Variants in CTTNBP2NL observed in about 807,000 individuals in gnomAD.
CTTNBP2NL encodes CTTNBP2 N-terminal-like protein.
In CTTNBP2NL, 16 loss-of-function variants were observed where a neutral mutation model predicts 32.5. The ratio of observed to expected loss-of-function variants is 0.49; its 90% CI spans 0.33 to 0.75. The LOEUF is 0.75. Ranked by LOEUF, CTTNBP2NL falls within the 30% of genes least tolerant of loss-of-function variation. CTTNBP2NL has a pLI of 0.02. For missense variants in CTTNBP2NL, 645 were observed against 756.0 expected (o/e 0.85, Z 1.72); for synonymous variants, 298 against 289.4 (o/e 1.03, Z -0.30).
intron 3 of CTTNBP2NL, among the ~76,000 whole-genome samples, chr1:112,426,724 A>G (rs1649415219): frequency 6.7e-6 from 1 of 149,740 alleles, no homozygotes; most frequent in African/African-American, 2.5e-5. Flanking sequence ...CTCCTGCCTC[A>G]GCCTCCTGAG....
chr1:112,460,243 G>A lies in CTTNBP2NL; in HGVS notation c.*2831G>A, dbSNP rs1197267488. The A allele has an allele frequency of 6.6e-6, 1 of 152,184 alleles. No individual in the cohort carries two copies. The highest frequency in any genetic ancestry group is 1.5e-5 in the Non-Finnish European group (1 of 68,042). The allele number at this position is 152,184 out of a possible 1,614,324, so 9.4% of individuals were successfully genotyped here. A position where few individuals can be genotyped will look rare whatever the true frequency, so the allele number is the denominator to read the frequency against. ...CAAGTTAAATCTTGCTGTTTGGGGGGAAATAGTCTTGTTTGTACAAAGTGA... is the reference window on the plus strand; with the variant it reads ...CAAGTTAAATCTTGCTGTTTGGGGGAAAATAGTCTTGTTTGTACAAAGTGA... On this transcript the variant is annotated 3_prime_UTR_variant, in exon 6 of 6. Coordinates refer to ENST00000271277, the MANE Select transcript of CTTNBP2NL (RefSeq NM_018704.3).
intron 3 of CTTNBP2NL, among the ~76,000 whole-genome samples, chr1:112,447,569 CT>C (rs1650087552): frequency 6.6e-6 from 1 of 151,946 alleles, no homozygotes; most frequent in Admixed American, 6.6e-5. Flanking sequence ...TACCATAAGG[CT>C]AAGTGATTCC....
intron 1 of CTTNBP2NL, among the ~76,000 whole-genome samples, chr1:112,402,218 A>C (rs1053096553): frequency 1.3e-5 from 2 of 152,174 alleles, no homozygotes; most frequent in Non-Finnish European, 2.9e-5. Context: ...TGGGAGTTCA[A>C]GACCAGCCTG....
chr1:112,406,938 G>T (rs573839976), intron 1 of CTTNBP2NL, among the ~76,000 whole-genome samples: 4 of 152,110 alleles, frequency 2.6e-5, no homozygotes, highest in Non-Finnish European at 4.4e-5. Context: ...GTCTATGTTG[G>T]CAGTATTGAA....
At chr1:112,436,942 G>T (rs535369344) in intron 3 of CTTNBP2NL, among the ~76,000 whole-genome samples, 5 of 152,118 alleles carry the variant, frequency 3.3e-5, no homozygotes, top group African/African-American at 1.2e-4. Context: ...ATGGCTTCTA[G>T]CTCCAACCAT....
At chr1:112,442,121 T>C (rs907909741) in intron 3 of CTTNBP2NL, among the ~76,000 whole-genome samples, 2 of 152,030 alleles carry the variant, frequency 1.3e-5, no homozygotes, top group Non-Finnish European at 2.9e-5. Flanking sequence ...TAATGTTTTT[T>C]GTTTTTTGTT....
At chr1:112,449,547 G>A (rs768811760) in intron 4 of CTTNBP2NL, among the ~76,000 whole-genome samples, 2 of 151,772 alleles carry the variant, frequency 1.3e-5, no homozygotes, top group Non-Finnish European at 2.9e-5. Context: ...AGGTATTTGA[G>A]GCATGCTATA....
In CTTNBP2NL at chr1:112,410,993, A is replaced by G. The variant is rs141758411; in HGVS notation, c.-133-1201A>G. Among the ~76,000 whole-genome samples the G allele has an allele frequency of 2.8e-4, 42 of 152,320 alleles. No homozygotes were observed. In the East Asian group the frequency reaches 7.5e-3, roughly 27 times the overall value. On this transcript the variant is annotated intron_variant, in intron 1 of 5. Transcript: ENST00000271277. ...AATCTGTCAGTTTTTCTGATAATGA[A>G]TATGGGGCTAGAAATACCCTTTTTC...
chr1:112,457,849 AATAG>A lies in CTTNBP2NL; in HGVS notation c.*440_*443del, dbSNP rs1339609318. 1 of 155,794 alleles carries A rather than the reference AATAG, an allele frequency of 6.4e-6. No homozygotes were observed. The highest frequency in any genetic ancestry group is 1.4e-5 in the Non-Finnish European group (1 of 70,278). 9.7% of individuals were successfully genotyped at this position (155,794 alleles called of 1,614,324 possible). On this transcript the variant is annotated 3_prime_UTR_variant, in exon 6 of 6. Coordinates refer to ENST00000271277, the MANE Select transcript of CTTNBP2NL (RefSeq NM_018704.3). ...TGTGATTCTGCAGCAAAAAACACAAAATAGATCATTTAATTACAGAAAATGAGAT... is the reference window on the plus strand; with the variant it reads ...TGTGATTCTGCAGCAAAAAACACAAAATCATTTAATTACAGAAAATGAGAT...
intron 5 of CTTNBP2NL, among the ~76,000 whole-genome samples, chr1:112,455,434 C>T (rs1267405276): frequency 6.6e-6 from 1 of 152,076 alleles, no homozygotes; most frequent in Non-Finnish European, 1.5e-5. Flanking sequence ...ACCCAGAAGG[C>T]GGAGGTTGCA....
intron 2 of CTTNBP2NL, among the ~76,000 whole-genome samples, chr1:112,414,226 G>A (rs1175826314): frequency 6.6e-6 from 1 of 151,900 alleles, no homozygotes; most frequent in Non-Finnish European, 1.5e-5. Context: ...TTAGCCAGGC[G>A]TGATGGTGGT....
Position 112,456,821 on chromosome 1 carries a change from C to T in CTTNBP2NL, c.1329C>T (p.Ser443=), listed in dbSNP as rs147846615. The part of the protein sequence containing the change: ...LTKRLLGSSA[S]SPGYQSSYQV... ...AGCGTTTATTGGGGTCATCAGCTAGCAGCCCTGGCTACCAGTCATCGTACC... is the reference window on the plus strand; with the variant it reads ...AGCGTTTATTGGGGTCATCAGCTAGTAGCCCTGGCTACCAGTCATCGTACC... The change falls in exon 6 of 6, where the codon AGC becomes AGT. Residue 443 remains serine, a synonymous_variant. Coordinates refer to ENST00000271277, the MANE Select transcript of CTTNBP2NL (RefSeq NM_018704.3). 3 of 1,614,020 alleles carry T rather than the reference C, an allele frequency of 1.9e-6. No homozygotes were observed. Among genetic ancestry groups the T allele is most frequent in the Non-Finnish European group, 2.5e-6 (3 of 1,180,046 alleles).
chr1:112,427,364 G>A (rs185017171), intron 3 of CTTNBP2NL, among the ~76,000 whole-genome samples: 1 of 152,268 alleles, frequency 6.6e-6, no homozygotes, highest in African/African-American at 2.4e-5. Context: ...GTCAGTTGTT[G>A]AAGAATAAGT....
chr1:112,445,056 C>T (rs1437383984), intron 3 of CTTNBP2NL, among the ~76,000 whole-genome samples: 1 of 152,200 alleles, frequency 6.6e-6, no homozygotes, highest in Admixed American at 6.5e-5. Flanking sequence ...GGGTCACTTG[C>T]TGTGTGGGAA....
intron 1 of CTTNBP2NL, among the ~76,000 whole-genome samples, chr1:112,408,405 A>G (rs1648748977): frequency 6.6e-6 from 1 of 151,862 alleles, no homozygotes; most frequent in Non-Finnish European, 1.5e-5. Flanking sequence ...CTTAAATGCC[A>G]AAGAGGAATG....
chr1:112,399,492 C>T (rs1648432052), intron 1 of CTTNBP2NL, among the ~76,000 whole-genome samples: 1 of 152,102 alleles, frequency 6.6e-6, no homozygotes, highest in Non-Finnish European at 1.5e-5. Flanking sequence ...ATTATACAGG[C>T]TGATTATTGA....
chr1:112,434,896 A>G (rs1178906205), intron 3 of CTTNBP2NL, among the ~76,000 whole-genome samples: 1 of 152,166 alleles, frequency 6.6e-6, no homozygotes, highest in Non-Finnish European at 1.5e-5. Context: ...TAATCCCAGC[A>G]CTTTGGGAGG....
chr1:112,403,590 G>C (rs191551514), intron 1 of CTTNBP2NL, among the ~76,000 whole-genome samples: 11 of 152,296 alleles, frequency 7.2e-5, no homozygotes, highest in Admixed American at 4.6e-4. Context: ...TTAATTTAAT[G>C]TAAAAAAATA....
At position 112,459,830 on chromosome 1, in the gene CTTNBP2NL, C is replaced by G. The variant is rs537882971; in HGVS notation, c.*2418C>G. Reference sequence around the variant, plus strand: ...GGATAGATATATATAGAGAGAGATACTATAAGGAAGTTTATTTCTTAGGAA... The same window carrying G: ...GGATAGATATATATAGAGAGAGATAGTATAAGGAAGTTTATTTCTTAGGAA... On this transcript the variant is annotated 3_prime_UTR_variant, in exon 6 of 6. Transcript: ENST00000271277. 2 of 152,220 alleles carry G rather than the reference C, an allele frequency of 1.3e-5. No individual in the cohort carries two copies. The highest frequency in any genetic ancestry group is 4.1e-4 in the South Asian group (2 of 4,824). The allele number at this position is 152,220 out of a possible 1,614,324, so 9.4% of individuals were successfully genotyped here. A position where few individuals can be genotyped will look rare whatever the true frequency, so the allele number is the denominator to read the frequency against.
Sources: allele counts gnomAD v4.1 joint callset (sites outside exome capture counted in the v4.1 genomes callset), GRCh38; gene constraint gnomAD v4.1.1; transcripts MANE v1.5; gene names NCBI Gene and HGNC (gene_info 2026-07-23, HGNC 2026-07-21).